FAM53A: variants seen among roughly 807,000 people sequenced by gnomAD.
The protein encoded by FAM53A is protein FAM53A.
Under a neutral mutation model 26.6 loss-of-function variants are expected in FAM53A, and 28 were observed. That is an observed-to-expected ratio of 1.05 (90% CI 0.78 to 1.45). FAM53A has a LOEUF of 1.45. FAM53A is among the 40% of genes most tolerant of loss of function. The probability of loss-of-function intolerance (pLI) is 0.00; values close to 1 mark genes in which losing one functional copy is unlikely to be tolerated. For missense variants in FAM53A, 650 were observed against 575.8 expected (o/e 1.13, Z -1.32); for synonymous variants, 290 against 253.1 (o/e 1.15, Z -1.38).
At chr4:1,635,387 C>A (rs115787652), downstream of FAM53A, among the ~76,000 whole-genome samples, 1,789 of 152,246 alleles carry the variant, frequency 0.012, 39 homozygotes, top group African/African-American at 0.041. Context: ...AATCTTCCCA[C>A]CTCAGCCTCC....
Position 1,654,966 on chromosome 4 carries a change from AG to A in FAM53A, c.882+11del. ...ACGCCCCTCTGAGCCCCTGGAAATA[AG>A]AAAGCCTCACCTGGGTCATTTTCAG... On this transcript the variant is annotated intron_variant, in intron 4 of 4. Coordinates refer to ENST00000308132, the MANE Select transcript of FAM53A (RefSeq NM_001174070.3). 1 of 1,503,518 alleles carries A rather than the reference AG, an allele frequency of 6.7e-7. No homozygotes were observed. The highest frequency in any genetic ancestry group is 8.9e-7 in the Non-Finnish European group (1 of 1,124,320). 93.1% of individuals were successfully genotyped at this position (1,503,518 alleles called of 1,614,324 possible). A position where few individuals can be genotyped will look rare whatever the true frequency, so the allele number is the denominator to read the frequency against.
At chr4:1,668,122 A>G (rs1276503888) in intron 2 of FAM53A, among the ~76,000 whole-genome samples, 2 of 142,256 alleles carry the variant, frequency 1.4e-5, no homozygotes, top group African/African-American at 5.2e-5. Flanking sequence ...GTAAAACTCT[A>G]TTTTTTTAAA....
At chr4:1,665,797 A>G (rs1342985098) in intron 2 of FAM53A, among the ~76,000 whole-genome samples, 1 of 152,106 alleles carries the variant, frequency 6.6e-6, no homozygotes, top group Non-Finnish European at 1.5e-5. Context: ...TTCTCTGTCA[A>G]TGGACAAGTG....
chr4:1,596,765 G>A, the FAM53A span, among the ~76,000 whole-genome samples: 1 of 152,176 alleles, frequency 6.6e-6, no homozygotes, highest in Non-Finnish European at 1.5e-5. Context: ...TCCTTTAAAA[G>A]GGGGAAAGAC....
intron 1 of FAM53A, among the ~76,000 whole-genome samples, chr4:1,622,587 GGGGCAGAGGGGCA>G (rs1715090073): frequency 1.3e-5 from 2 of 152,340 alleles, no homozygotes; most frequent in Admixed American, 1.3e-4. Flanking sequence ...CACACAAACA[GGGGCAGAGGGGCA>G]GGGTCTCCAG....
At chr4:1,594,578 T>C in the FAM53A span, among the ~76,000 whole-genome samples, 126,123 of 152,152 alleles carry the variant, frequency 0.83, 52,382 homozygotes, top group African/African-American at 0.86. Context: ...TGCAGTGGCT[T>C]ACGCCTGTAA....
intron 2 of FAM53A, among the ~76,000 whole-genome samples, chr4:1,657,835 T>A (rs1286935024): frequency 6.6e-6 from 1 of 151,352 alleles, no homozygotes; most frequent in Non-Finnish European, 1.5e-5. Flanking sequence ...GAGACAGGGT[T>A]TCACCGTGTT....
chr4:1,609,921 C>T, the FAM53A span, among the ~76,000 whole-genome samples: 4 of 152,070 alleles, frequency 2.6e-5, no homozygotes, highest in African/African-American at 9.7e-5. Flanking sequence ...CGAGATCGCG[C>T]CACTGCACTC....
intron 1 of FAM53A, among the ~76,000 whole-genome samples, chr4:1,682,847 A>G (rs534703394): frequency 6.6e-6 from 1 of 152,376 alleles, no homozygotes; most frequent in African/African-American, 2.4e-5. Flanking sequence ...GTGGTAACAA[A>G]AACGTTCTGT....
At chr4:1,682,247 T>C (rs1286032798) in intron 1 of FAM53A, among the ~76,000 whole-genome samples, 3 of 149,332 alleles carry the variant, frequency 2.0e-5, no homozygotes, top group Non-Finnish European at 4.4e-5. Context: ...AGAGTTTATA[T>C]AAAAATTTTT....
At chr4:1,621,101 C>CT (rs574102929) in intron 1 of FAM53A, among the ~76,000 whole-genome samples, 30,795 of 95,012 alleles carry the variant, frequency 0.32, 6,891 homozygotes, top group Middle Eastern at 0.48. Flanking sequence ...AGCTACGCTA[C>CT]TTTTTTTTTT....
At chr4:1,610,926 C>T in the FAM53A span, among the ~76,000 whole-genome samples, 15 of 152,224 alleles carry the variant, frequency 9.9e-5, no homozygotes, top group Admixed American at 2.0e-4. Context: ...GCAGCACACC[C>T]GAGGCCCTCA....
chr4:1,639,505 C>G (rs971359161), downstream of FAM53A, among the ~76,000 whole-genome samples: 3 of 152,174 alleles, frequency 2.0e-5, no homozygotes, highest in Non-Finnish European at 2.9e-5. Context: ...AGTCCCAGCA[C>G]AGGAGCCACC....
downstream of FAM53A, among the ~76,000 whole-genome samples, chr4:1,614,862 G>A (rs1368797025): frequency 6.6e-6 from 1 of 152,086 alleles, no homozygotes; most frequent in East Asian, 1.9e-4. Context: ...CGCCCCACAC[G>A]CATTTCTCCA....
intron 4 of FAM53A, chr4:1,644,520 C>T (rs984210259): frequency 1.5e-5 from 12 of 808,294 alleles, no homozygotes; most frequent in South Asian, 1.2e-4. Flanking sequence ...CCGAGGCCCA[C>T]GGGGCCGATG....
At chr4:1,662,648 T>TC (rs1713925828) in intron 2 of FAM53A, among the ~76,000 whole-genome samples, 1 of 26,952 alleles carries the variant, frequency 3.7e-5, no homozygotes, top group African/African-American at 8.1e-5. Context: ...AGGCCCTGTC[T>TC]CAAAAAAAAA....
chr4:1,590,715 A>G, the FAM53A span, among the ~76,000 whole-genome samples: 2 of 151,798 alleles, frequency 1.3e-5, no homozygotes, highest in Non-Finnish European at 2.9e-5. Flanking sequence ...TTTGTGAATA[A>G]TAAGTGTGCA....
chr4:1,673,756 C>T (rs919549912), intron 1 of FAM53A, among the ~76,000 whole-genome samples: 5 of 152,200 alleles, frequency 3.3e-5, no homozygotes, highest in African/African-American at 9.7e-5. Context: ...ATAAAGTGTG[C>T]CCGCCAAGCA....
At chr4:1,587,634 T>C in the FAM53A span, among the ~76,000 whole-genome samples, 3 of 152,176 alleles carry the variant, frequency 2.0e-5, no homozygotes, top group African/African-American at 7.2e-5. Flanking sequence ...ATTGCGCCAC[T>C]GCACTCCAGC....
Sources: allele counts gnomAD v4.1 joint callset (sites outside exome capture counted in the v4.1 genomes callset), GRCh38; gene constraint gnomAD v4.1.1; transcripts MANE v1.5; gene names NCBI Gene and HGNC (gene_info 2026-07-23, HGNC 2026-07-21).